Variants in CDH22 observed in about 807,000 individuals in gnomAD.
The protein encoded by CDH22 is cadherin-22.
Under a neutral mutation model 58.4 loss-of-function variants are expected in CDH22, and 30 were observed. That is an observed-to-expected ratio of 0.51 (90% CI 0.38 to 0.70). The LOEUF (loss-of-function observed/expected upper bound fraction) is 0.70, where lower values mean the gene tolerates loss of function less well. Among genes scored for constraint, CDH22 ranks in the 30% least tolerant of loss-of-function variants. The pLI is 0.00. For synonymous variants in CDH22, 513 were observed against 558.2 expected, an observed-to-expected ratio of 0.92 and a Z score of 1.14; for missense variants, 1,014 against 1,233.9, an observed-to-expected ratio of 0.82 and a Z score of 2.67.
intron 1 of CDH22, among the ~76,000 whole-genome samples, chr20:46,305,823 T>G (rs1196309493): frequency 2.6e-5 from 4 of 152,394 alleles, no homozygotes; most frequent in Admixed American, 2.6e-4. Context: ...CTGGGCTCCC[T>G]GCCTTAGCTA....
rs1378748813 is a variant in CDH22 at position 46,210,700 on chromosome 20, T to C, written c.1033-140A>G. On this transcript the variant is annotated intron_variant, in intron 6 of 11. Coordinates refer to ENST00000537909, the MANE Select transcript of CDH22 (RefSeq NM_021248.3). The surrounding 1 kb of genome is among the most constrained non-coding windows in gnomAD (Gnocchi z 4.5). ...GGGCGGCAGGGATGTTTGGGCTGCATTGCAGAACTGACCCAGACCAACCCG... is the reference window on the plus strand; with the variant it reads ...GGGCGGCAGGGATGTTTGGGCTGCACTGCAGAACTGACCCAGACCAACCCG... The C allele has an allele frequency of 1.3e-6, 1 of 752,274 alleles. No homozygotes were observed. Among genetic ancestry groups the C allele is most frequent in the East Asian group, 3.3e-5 (1 of 30,390 alleles). 46.6% of individuals were successfully genotyped at this position (752,274 alleles called of 1,614,324 possible).
At chr20:46,275,312 G>A (rs994779011) in intron 1 of CDH22, among the ~76,000 whole-genome samples, 1 of 152,146 alleles carries the variant, frequency 6.6e-6, no homozygotes, top group African/African-American at 2.4e-5. Context: ...TGTTCGCCAA[G>A]TCTGGATGCT....
At chr20:46,252,082 TA>T (rs1227062047) in intron 1 of CDH22, among the ~76,000 whole-genome samples, 1 of 151,730 alleles carries the variant, frequency 6.6e-6, no homozygotes, top group Non-Finnish European at 1.5e-5. Context: ...TAGGTGCTTC[TA>T]GAAGGCATCT....
intron 7 of CDH22, among the ~76,000 whole-genome samples, chr20:46,206,859 A>C (rs1352500767): frequency 6.6e-6 from 1 of 152,138 alleles, no homozygotes; most frequent in Admixed American, 6.5e-5. Flanking sequence ...GCACAACTCA[A>C]TGCGGAGTTG....
chr20:46,229,289 G>T (rs925389697), intron 3 of CDH22, among the ~76,000 whole-genome samples: 2 of 138,430 alleles, frequency 1.4e-5, no homozygotes, highest in Non-Finnish European at 3.1e-5. Context: ...ATGCAGAGTG[G>T]CCCCCCCCCC....
intron 4 of CDH22, among the ~76,000 whole-genome samples, chr20:46,223,666 C>CTTCTTTCTTTCTTTTTCT (rs2086144143): frequency 8.7e-6 from 1 of 115,524 alleles, no homozygotes; most frequent in Non-Finnish European, 1.8e-5. Context: ...TTTTTCTTTC[C>CTTCTTTCTTTCTTTTTCT]TTCTTTCTTT....
chr20:46,237,008 A>C (rs554668115), intron 3 of CDH22, among the ~76,000 whole-genome samples: 1 of 152,206 alleles, frequency 6.6e-6, no homozygotes, highest in East Asian at 1.9e-4. Context: ...TATATTTTTA[A>C]TTATTTATTT....
chr20:46,283,020 C>G (rs2086558128), intron 1 of CDH22, among the ~76,000 whole-genome samples: 1 of 152,232 alleles, frequency 6.6e-6, no homozygotes, highest in East Asian at 1.9e-4. Context: ...CTCTGTGCAG[C>G]TCTCGCCTCT....
intron 7 of CDH22, among the ~76,000 whole-genome samples, chr20:46,205,923 C>T (rs1341157461): frequency 3.3e-5 from 5 of 152,214 alleles, no homozygotes; most frequent in Non-Finnish European, 7.3e-5. Flanking sequence ...ACACTCTCCC[C>T]ATTCCAAGCC....
intron 8 of CDH22, among the ~76,000 whole-genome samples, chr20:46,194,822 T>C (rs1436444664): frequency 6.6e-6 from 1 of 152,142 alleles, no homozygotes; most frequent in Non-Finnish European, 1.5e-5. Flanking sequence ...CTCCACCTCC[T>C]GGGTTCAAGC....
At chr20:46,242,951 C>T (rs1332074481) in intron 2 of CDH22, among the ~76,000 whole-genome samples, 5 of 152,180 alleles carry the variant, frequency 3.3e-5, no homozygotes, top group Non-Finnish European at 7.3e-5. Context: ...AGCAAGACGT[C>T]TGTTTTCTTG....
rs202122887 is a variant in CDH22 at position 46,199,381 on chromosome 20, G to A, written c.1423+42C>T. 8 of 1,589,820 alleles carry A rather than the reference G, an allele frequency of 5.0e-6. No individual in the cohort carries two copies. In the East Asian group the frequency reaches 6.7e-5, roughly 13 times the overall value. On this transcript the variant is annotated intron_variant, in intron 8 of 11. Transcript: ENST00000537909. The stretch of plus-strand genomic sequence containing the variant: ...CCCTCCCTTCAGCTTTTGCTCCTGG[G>A]CCCCATATTTGCCCTTGGAGGGGGC...
At chr20:46,235,679 C>G (rs906908254) in intron 3 of CDH22, among the ~76,000 whole-genome samples, 15 of 152,186 alleles carry the variant, frequency 9.9e-5, no homozygotes, top group African/African-American at 3.4e-4. Flanking sequence ...CTCTTACTCC[C>G]CACAACCAAT....
intron 7 of CDH22, among the ~76,000 whole-genome samples, chr20:46,208,363 C>T (rs1228916431): frequency 6.6e-6 from 1 of 152,228 alleles, no homozygotes; most frequent in Non-Finnish European, 1.5e-5. Flanking sequence ...CATCCCTGCT[C>T]TGCCTCTGGC....
At chr20:46,279,700 G>C (rs1219158463) in intron 1 of CDH22, among the ~76,000 whole-genome samples, 1 of 152,248 alleles carries the variant, frequency 6.6e-6, no homozygotes, top group East Asian at 1.9e-4. Flanking sequence ...CCAGATTGGA[G>C]GTGGTGGGGA....
intron 2 of CDH22, among the ~76,000 whole-genome samples, chr20:46,246,532 A>G (rs1156560526): frequency 6.6e-6 from 1 of 152,184 alleles, no homozygotes; most frequent in Non-Finnish European, 1.5e-5. Flanking sequence ...GATTTTATGG[A>G]AATGCTGGGA....
intron 3 of CDH22, among the ~76,000 whole-genome samples, chr20:46,236,500 G>T (rs910761449): frequency 2.4e-4 from 32 of 133,652 alleles, no homozygotes; most frequent in African/African-American, 8.7e-4. Flanking sequence ...TAAATATATA[G>T]ATATATATTT....
intron 8 of CDH22, among the ~76,000 whole-genome samples, chr20:46,189,838 AC>A (rs1313787893): frequency 2.0e-5 from 3 of 152,084 alleles, no homozygotes; most frequent in Non-Finnish European, 4.4e-5. Flanking sequence ...CCAGGTCAGT[AC>A]CCATTGCCAC....
chr20:46,190,872 A>G (rs917697733), intron 8 of CDH22, among the ~76,000 whole-genome samples: 1 of 152,170 alleles, frequency 6.6e-6, no homozygotes, highest in Admixed American at 6.5e-5. Context: ...CCTAGGGTAG[A>G]GACCAAACTC....
Sources: gnomAD v4.1 joint callset for allele counts (sites outside exome capture counted in the v4.1 genomes callset) on GRCh38, gnomAD v4.1.1 for gene constraint, Gnocchi (gnomAD v3.1) non-coding constraint, MANE v1.5 for transcripts, NCBI Gene and HGNC (gene_info 2026-07-23, HGNC 2026-07-21) for gene names.